DMXL1: variants seen among roughly 807,000 people sequenced by gnomAD.
DMXL1 encodes the protein Dmx like 1, also known as dmX-like protein 1.
A neutral mutation model predicts 319.2 loss-of-function variants in DMXL1; 99 were observed. The ratio of observed to expected loss-of-function variants is 0.31; its 90% CI spans 0.26 to 0.37. The LOEUF is 0.37. Ranked by LOEUF, DMXL1 falls within the 10% of genes least tolerant of loss-of-function variation. DMXL1 has a pLI of 1.00. For synonymous variants in DMXL1, 1,385 were observed against 1,235.2 expected (o/e 1.12, Z -2.54); for missense variants, 3,745 against 3,595.6 (o/e 1.04, Z -1.06).
intron 38 of DMXL1, among the ~76,000 whole-genome samples, chr5:119,225,446 A>G (rs1355936436): frequency 3.3e-5 from 5 of 151,872 alleles, no homozygotes; most frequent in Admixed American, 2.6e-4. Flanking sequence ...GAGTATTCCA[A>G]GTTTTTTAAT....
At chr5:119,184,884 G>T (rs1777423405) in intron 28 of DMXL1, among the ~76,000 whole-genome samples, 1 of 151,978 alleles carries the variant, frequency 6.6e-6, no homozygotes, top group Admixed American at 6.6e-5. Flanking sequence ...GTTGAGTTTG[G>T]GTTGAAATCT....
At chr5:119,157,410 A>G (rs943570633) in intron 19 of DMXL1, among the ~76,000 whole-genome samples, 5 of 152,182 alleles carry the variant, frequency 3.3e-5, no homozygotes, top group African/African-American at 9.7e-5. Context: ...GACTGATGAC[A>G]TGTAGTTTTC....
chr5:119,175,816 A>G (rs1358896951), intron 26 of DMXL1, among the ~76,000 whole-genome samples: 1 of 152,054 alleles, frequency 6.6e-6, no homozygotes, highest in Non-Finnish European at 1.5e-5. Flanking sequence ...ATTTCTCTGT[A>G]TTTCTCTTTA....
At chr5:119,183,755 G>C (rs1039992021) in intron 28 of DMXL1, among the ~76,000 whole-genome samples, 1 of 151,930 alleles carries the variant, frequency 6.6e-6, no homozygotes, top group Non-Finnish European at 1.5e-5. Context: ...CACCACGCCT[G>C]GCCAGGAGTA....
rs1157406026 is a variant in DMXL1 at position 119,126,573 on chromosome 5, C to T, written c.1103-2638C>T. 3.9e-5 allele frequency among the ~76,000 whole-genome samples: 6 copies of T among 152,272 alleles called. No homozygotes were observed. The East Asian group carries it at 1.2e-3, about 29-fold the overall frequency. On this transcript the variant is annotated intron_variant, in intron 9 of 43. Coordinates refer to ENST00000539542, the MANE Select transcript of DMXL1 (RefSeq NM_001290321.3). ...GAGCTGTTACTTTCTAAGTGCCCAA[C>T]ACCGTGGACAATTCAAGCATCGTAA...
intron 9 of DMXL1, among the ~76,000 whole-genome samples, chr5:119,125,380 A>G (rs534003760): frequency 6.6e-6 from 1 of 152,268 alleles, no homozygotes; most frequent in East Asian, 1.9e-4. Flanking sequence ...TATAAAAAGG[A>G]AGTTAAAGGA....
intron 25 of DMXL1, among the ~76,000 whole-genome samples, chr5:119,174,541 T>G (rs1036220772): frequency 6.6e-6 from 1 of 152,252 alleles, no homozygotes; most frequent in Non-Finnish European, 1.5e-5. Flanking sequence ...AGCAATTAGA[T>G]TTGATCTGTC....
chr5:119,167,468 T>G (rs1408524986), intron 22 of DMXL1, 135 bp from the exon 23 acceptor site: 1 of 733,702 alleles, frequency 1.4e-6, no homozygotes, highest in African/African-American at 1.8e-5. Context: ...AGCATATGTT[T>G]TGTTTCTTAT....
At chr5:119,202,897 A>ATATATT in intron 32 of DMXL1, among the ~76,000 whole-genome samples, 2 of 144,654 alleles carry the variant, frequency 1.4e-5, no homozygotes, top group African/African-American at 5.0e-5. Flanking sequence ...ATATATATAT[A>ATATATT]TATATATATT....
intron 37 of DMXL1, among the ~76,000 whole-genome samples, chr5:119,223,714 T>G (rs532767998): frequency 6.6e-6 from 1 of 152,300 alleles, no homozygotes; most frequent in Non-Finnish European, 1.5e-5. Context: ...ATTTTACATA[T>G]GCTTTCAGAA....
rs1333564579 is a variant in DMXL1 at position 119,134,114 on chromosome 5, T to G, written c.2190T>G (p.Ser730=). ...GGVSELARIN[S]LHVSAFSNVA... The stretch of plus-strand genomic sequence containing the variant: ...TTTCTGAGCTTGCCCGGATTAATTC[T>G]CTTCATGTTTCTGCCTTTTCCAATG... Residue 730 remains serine (S), a synonymous_variant, in exon 12 of 44, where the codon TCT becomes TCG. Coordinates refer to ENST00000539542, the MANE Select transcript of DMXL1 (RefSeq NM_001290321.3). 1.2e-6 allele frequency: 2 copies of G among 1,613,966 alleles called. No homozygotes were observed. Among genetic ancestry groups the G allele is most frequent in the Non-Finnish European group, 1.7e-6 (2 of 1,180,052 alleles).
intron 38 of DMXL1, among the ~76,000 whole-genome samples, chr5:119,226,972 C>G (rs938622524): frequency 9.9e-5 from 15 of 152,182 alleles, no homozygotes; most frequent in African/African-American, 3.6e-4. Context: ...AGCCAAGAAG[C>G]TCATCAGATC....
At chr5:119,216,643 C>G (rs958081076) in intron 34 of DMXL1, among the ~76,000 whole-genome samples, 2 of 151,830 alleles carry the variant, frequency 1.3e-5, no homozygotes, top group Non-Finnish European at 1.5e-5. Flanking sequence ...AACTGTATCT[C>G]GGGAGGATAG....
intron 13 of DMXL1, among the ~76,000 whole-genome samples, chr5:119,138,628 C>G (rs1157984345): frequency 6.6e-6 from 1 of 152,112 alleles, no homozygotes; most frequent in Non-Finnish European, 1.5e-5. Flanking sequence ...CACTTGAGGT[C>G]AGAAGTTTGA....
In DMXL1 at chr5:119,071,649, G is replaced by T; in HGVS notation, c.80G>T (p.Arg27Leu). ...CFSVGSIGDQ[R>L]FTAYASGCDI... ...TCCGTGGGCAGCATTGGCGACCAGC[G>T]CTTCACGGTGAGTGAGGGAGGCCCT... The change falls in exon 1 of 44, where the codon CGC (arginine) becomes CTC (leucine). Residue 27 changes from arginine (R) to leucine (L), a missense_variant. By Grantham distance (102) the Arg-to-Leu change is moderately radical. This residue lies in a region of DMXL1 where 2,096 missense variants were observed against 1,985.4 expected (regional missense o/e 1.06). Coordinates refer to ENST00000539542, the MANE Select transcript of DMXL1 (RefSeq NM_001290321.3). 1.3e-6 allele frequency: 2 copies of T among 1,586,974 alleles called. No individual in the cohort carries two copies. Among genetic ancestry groups the T allele is most frequent in the Non-Finnish European group, 1.7e-6 (2 of 1,166,990 alleles).
At position 119,206,889 on chromosome 5, in the gene DMXL1, T is replaced by C. The variant is rs1246199129; in HGVS notation, c.7919T>C (p.Ile2640Thr). The part of the protein sequence containing the change: ...IKNSMMEEPN[I>T]NKIEADLGYP... ...AATTCTATGATGGAGGAGCCAAACA[T>C]CAATAAGGTACAAAATATCATTCAA... Residue 2640 changes from isoleucine (I) to threonine (T), a missense_variant, in exon 34 of 44, where the codon ATC (isoleucine) becomes ACC (threonine). Coordinates refer to ENST00000539542, the MANE Select transcript of DMXL1 (RefSeq NM_001290321.3). The C allele has an allele frequency of 6.6e-6, 10 of 1,518,322 alleles. No homozygotes were observed. Among genetic ancestry groups the C allele is most frequent in the Non-Finnish European group, 8.8e-6 (10 of 1,132,748 alleles). The allele number at this position is 1,518,322 out of a possible 1,614,324, so 94.1% of individuals were successfully genotyped here. A position where few individuals can be genotyped will look rare whatever the true frequency, so the allele number is the denominator to read the frequency against.
At chr5:119,189,569 C>G (rs1163253764) in intron 28 of DMXL1, 139 bp from the exon 29 acceptor site, 1 of 732,314 alleles carries the variant, frequency 1.4e-6, no homozygotes, top group African/African-American at 1.8e-5. Context: ...ATTTTCTTAC[C>G]TGCTGTGTAC....
chr5:119,080,090 T>C (rs1751855503), intron 1 of DMXL1, among the ~76,000 whole-genome samples: 1 of 152,348 alleles, frequency 6.6e-6, no homozygotes, highest in East Asian at 1.9e-4. Context: ...TGCACGCCTG[T>C]AATCCCAGCA....
intron 24 of DMXL1, 44 bp downstream of exon 24, chr5:119,171,324 C>T: frequency 6.6e-7 from 1 of 1,523,964 alleles, no homozygotes; most frequent in Non-Finnish European, 8.8e-7. Context: ...ATGTCTAAAA[C>T]TGTTTTTGGT....
Sources: allele counts gnomAD v4.1 joint callset (sites outside exome capture counted in the v4.1 genomes callset), GRCh38; gene constraint gnomAD v4.1.1; regional missense constraint gnomAD v4.1.1; transcripts MANE v1.5; gene names NCBI Gene and HGNC (gene_info 2026-07-23, HGNC 2026-07-21).